Variants in RTL4 observed in about 807,000 individuals in gnomAD.
RTL4 encodes the protein retrotransposon Gag like 4.
Under a neutral mutation model 5.3 loss-of-function variants are expected in RTL4, and 4 were observed. The ratio of observed to expected loss-of-function variants is 0.75; its 90% CI spans 0.37 to 1.72. RTL4 has a LOEUF of 1.72. Among genes scored for constraint, RTL4 ranks in the 40% most tolerant of loss-of-function variants. The pLI is 0.04. For missense variants in RTL4, 260 were observed against 227.1 expected (o/e 1.14, Z -0.93); for synonymous variants, 98 against 87.3 (o/e 1.12, Z -0.68).
the RTL4 span, among the ~76,000 whole-genome samples, chrX:112,169,064 CT>C: frequency 2.3e-4 from 6 of 26,019 alleles, no homozygotes; most frequent in Non-Finnish European, 3.2e-4. Flanking sequence ...TTCTTTCTTT[CT>C]TTCTTTTTTC....
chrX:112,406,211 G>T, the RTL4 span, among the ~76,000 whole-genome samples: 1 of 111,706 alleles, frequency 9.0e-6, no homozygotes, highest in African/African-American at 3.3e-5. Context: ...ACCTATATTA[G>T]TCTGTTCTCA....
chrX:112,197,461 G>A, the RTL4 span, among the ~76,000 whole-genome samples: 1 of 706 alleles, frequency 1.4e-3, no homozygotes, highest in East Asian at 0.034. Context: ...TGGAAATCCA[G>A]CTCTCTATGT....
At chrX:112,295,214 A>T in the RTL4 span, among the ~76,000 whole-genome samples, 24 of 111,504 alleles carry the variant, frequency 2.2e-4, no homozygotes, top group African/African-American at 7.5e-4. Flanking sequence ...CTTGAATTAA[A>T]TGTCTTCGGG....
the RTL4 span, among the ~76,000 whole-genome samples, chrX:112,287,175 C>T: frequency 3.6e-5 from 4 of 111,370 alleles, no homozygotes; most frequent in African/African-American, 1.3e-4. Context: ...ATACATGCAT[C>T]AGTGAATATA....
chrX:112,201,069 G>A, the RTL4 span, among the ~76,000 whole-genome samples: 1 of 111,540 alleles, frequency 9.0e-6, no homozygotes, highest in Non-Finnish European at 1.9e-5. Flanking sequence ...CACTGCCGAG[G>A]AGACCTGAGC....
At chrX:112,129,554 G>A in the RTL4 span, among the ~76,000 whole-genome samples, 2 of 112,016 alleles carry the variant, frequency 1.8e-5, no homozygotes, top group South Asian at 7.3e-4. Flanking sequence ...TAACATTTTA[G>A]TTAAAGGTGA....
chrX:112,390,106 A>AATATATATATATATAT, the RTL4 span, among the ~76,000 whole-genome samples: 1 of 17,387 alleles, frequency 5.8e-5, no homozygotes, highest in Non-Finnish European at 9.8e-5. Flanking sequence ...ATTTATATAT[A>AATATATATATATATAT]ATATATATAT....
At chrX:112,106,965 C>A in the RTL4 span, among the ~76,000 whole-genome samples, 1 of 111,834 alleles carries the variant, frequency 8.9e-6, no homozygotes, top group Non-Finnish European at 1.9e-5. Flanking sequence ...ACTCTGCAGG[C>A]TGTCTCCACA....
At chrX:112,449,173 G>T in the RTL4 span, among the ~76,000 whole-genome samples, 20 of 111,647 alleles carry the variant, frequency 1.8e-4, no homozygotes, top group Non-Finnish European at 3.2e-4. Flanking sequence ...GGGATATGGG[G>T]ATGGCTTTTT....
At chrX:112,318,750 C>T in the RTL4 span, among the ~76,000 whole-genome samples, 1 of 111,022 alleles carries the variant, frequency 9.0e-6, no homozygotes, top group East Asian at 2.8e-4. Flanking sequence ...CCCCCCACCC[C>T]AATTCAGACA....
At chrX:112,413,109 C>T in the RTL4 span, among the ~76,000 whole-genome samples, 39 of 112,024 alleles carry the variant, frequency 3.5e-4, no homozygotes, top group African/African-American at 8.4e-4. Context: ...AAAAGATGCT[C>T]AGCATCACTG....
the RTL4 span, among the ~76,000 whole-genome samples, chrX:112,448,152 G>C: frequency 0.51 from 56,664 of 110,650 alleles, 11,342 homozygotes; most frequent in African/African-American, 0.74. Context: ...AAAGAGACAG[G>C]AGGGAGCATG....
At chrX:112,115,074 A>G in the RTL4 span, among the ~76,000 whole-genome samples, 1 of 110,672 alleles carries the variant, frequency 9.0e-6, no homozygotes, top group African/African-American at 3.3e-5. Context: ...TTGATGCCTG[A>G]GTGTTTCCCA....
the RTL4 span, among the ~76,000 whole-genome samples, chrX:112,391,360 G>A: frequency 9.0e-6 from 1 of 111,410 alleles, no homozygotes; most frequent in East Asian, 2.8e-4. Flanking sequence ...GAGAACTGAT[G>A]TGGTCGTTTG....
At chrX:112,233,998 C>T in the RTL4 span, among the ~76,000 whole-genome samples, 1 of 110,259 alleles carries the variant, frequency 9.1e-6, no homozygotes, top group Non-Finnish European at 1.9e-5. Flanking sequence ...TGAGACCATC[C>T]TGGCTAACAC....
At chrX:112,158,454 CAT>C in the RTL4 span, among the ~76,000 whole-genome samples, 1 of 107,619 alleles carries the variant, frequency 9.3e-6, no homozygotes. Context: ...ATACATAATA[CAT>C]ATATATATAT....
chrX:112,208,453 A>T, the RTL4 span, among the ~76,000 whole-genome samples: 1 of 112,062 alleles, frequency 8.9e-6, no homozygotes, highest in South Asian at 3.8e-4. Context: ...TTGTTTTAGT[A>T]ATTGGTTCAT....
the RTL4 span, among the ~76,000 whole-genome samples, chrX:112,229,714 A>G: frequency 3.7e-4 from 41 of 112,202 alleles, no homozygotes; most frequent in African/African-American, 1.3e-3. Flanking sequence ...TTTGGTGTGG[A>G]TGTCCTTTCT....
At chrX:112,169,026 CTCTTTCTT>C in the RTL4 span, among the ~76,000 whole-genome samples, 911 of 49,046 alleles carry the variant, frequency 0.019, 22 homozygotes, top group African/African-American at 0.067. Flanking sequence ...CTTTCTCTTT[CTCTTTCTT>C]TCTTTCTTTC....
Sources: allele counts gnomAD v4.1 joint callset (sites outside exome capture counted in the v4.1 genomes callset), GRCh38; gene constraint gnomAD v4.1.1; transcripts MANE v1.5; gene names NCBI Gene and HGNC (gene_info 2026-07-23, HGNC 2026-07-21).